The following KCNB2 variants were observed in gnomAD, a reference collection of about 807,000 sequenced individuals.
KCNB2 encodes delayed rectifier potassium channel protein.
KCNB2 carries 15 observed loss-of-function variants against 61.5 expected under a neutral mutation model. That is an observed-to-expected ratio of 0.24 (90% CI 0.16 to 0.38). KCNB2 has a LOEUF of 0.38. Among genes scored for constraint, KCNB2 ranks in the 10% least tolerant of loss-of-function variants. The pLI, the probability that KCNB2 is intolerant of heterozygous loss-of-function variation, is 1.00. For synonymous variants in KCNB2, 457 were observed against 446.0 expected (o/e 1.02, Z -0.31); for missense variants, 828 against 1,125.2 (o/e 0.74, Z 3.78).
chr8:72,613,341 T>A (rs1158577546), intron 2 of KCNB2, among the ~76,000 whole-genome samples: 2 of 152,214 alleles, frequency 1.3e-5, no homozygotes, highest in African/African-American at 4.8e-5. Context: ...CCTGCCACTA[T>A]GTCTATGATG....
At chr8:72,792,055 C>T (rs1473387051) in intron 2 of KCNB2, among the ~76,000 whole-genome samples, 1 of 152,132 alleles carries the variant, frequency 6.6e-6, no homozygotes, top group Non-Finnish European at 1.5e-5. Context: ...TATAGCAATC[C>T]AATGAGGAAG....
At chr8:72,561,727 A>ATATATATATGTGTG (rs1189336093) in intron 1 of KCNB2, among the ~76,000 whole-genome samples, 4 of 35,278 alleles carry the variant, frequency 1.1e-4, no homozygotes, top group Non-Finnish European at 1.3e-4. Flanking sequence ...ATATATATAT[A>ATATATATATGTGTG]TCTATATCTA....
intron 2 of KCNB2, among the ~76,000 whole-genome samples, chr8:72,669,868 T>C (rs1806534805): frequency 6.6e-6 from 1 of 152,164 alleles, no homozygotes; most frequent in Non-Finnish European, 1.5e-5. Flanking sequence ...TATTTTACGG[T>C]CTAGCTGGAA....
chr8:72,937,865 A>G lies in KCNB2; in HGVS notation c.2510A>G (p.Lys837Arg). 2 of 1,614,140 alleles carry G rather than the reference A, an allele frequency of 1.2e-6. No individual in the cohort carries two copies. The highest frequency in any genetic ancestry group is 2.2e-5 in the South Asian group (2 of 91,086). ...TCCAGCCCAAATTGCTTTGCAGATA[A>G]GCCTAGTGATGGGAGAGACCCTTTA... ...VDSSPNCFADKPSDGRDPLRE... is the reference protein window; with the variant it reads ...VDSSPNCFADRPSDGRDPLRE... The change falls in exon 3 of 3, where the codon AAG becomes AGG. Residue 837 changes from lysine to arginine, a missense_variant. By Grantham distance (26) the Lys-to-Arg change is conservative. Coordinates refer to ENST00000523207, the MANE Select transcript of KCNB2 (RefSeq NM_004770.3).
intron 2 of KCNB2, among the ~76,000 whole-genome samples, chr8:72,615,298 A>G (rs182822937): frequency 1.3e-5 from 2 of 152,318 alleles, no homozygotes; most frequent in East Asian, 3.9e-4. Context: ...TGTGTGTGAA[A>G]GCACTTGGCA....
At chr8:72,782,239 CT>C (rs773135619) in intron 2 of KCNB2, among the ~76,000 whole-genome samples, 1 of 152,070 alleles carries the variant, frequency 6.6e-6, no homozygotes, top group Non-Finnish European at 1.5e-5. Context: ...TATAGTGTTA[CT>C]AAGAATTCCA....
rs773456401 is a variant in KCNB2 at position 72,935,985 on chromosome 8, G to A, written c.630G>A (p.Leu210=). The A allele has an allele frequency of 1.9e-6, 3 of 1,614,102 alleles. No homozygotes were observed. The East Asian group carries it at 6.7e-5, about 36-fold the overall frequency. Reference sequence around the variant, plus strand: ...TCATTGTGCTTTCCACCATTGCTTTGTCTCTCAATACGCTGCCGGAGCTGC... The same window carrying A: ...TCATTGTGCTTTCCACCATTGCTTTATCTCTCAATACGCTGCCGGAGCTGC... ...ILFIVLSTIA[L]SLNTLPELQE... The change falls in exon 3 of 3, where the codon TTG becomes TTA. Residue 210 remains leucine (L), a synonymous_variant. Coordinates refer to ENST00000523207, the MANE Select transcript of KCNB2 (RefSeq NM_004770.3).
At chr8:72,726,863 T>G (rs554877957) in intron 2 of KCNB2, among the ~76,000 whole-genome samples, 1 of 152,254 alleles carries the variant, frequency 6.6e-6, no homozygotes, top group East Asian at 1.9e-4. Flanking sequence ...AGGTACCTTC[T>G]CAGACCCAGG....
At chr8:72,719,944 A>G (rs1315530628) in intron 2 of KCNB2, among the ~76,000 whole-genome samples, 3 of 152,228 alleles carry the variant, frequency 2.0e-5, no homozygotes, top group Non-Finnish European at 4.4e-5. Flanking sequence ...TCCTGTCTGT[A>G]TTCTGAAGAA....
chr8:72,733,669 A>G, intron 2 of KCNB2, among the ~76,000 whole-genome samples: 1 of 152,186 alleles, frequency 6.6e-6, no homozygotes, highest in Admixed American at 6.5e-5. Context: ...TTGACACTCC[A>G]AAACCATCCC....
At chr8:72,839,389 C>A (rs1480775122) in intron 2 of KCNB2, among the ~76,000 whole-genome samples, 1 of 152,064 alleles carries the variant, frequency 6.6e-6, no homozygotes, top group African/African-American at 2.4e-5. Context: ...TATGCCTTGC[C>A]ATGTAATGTG....
At chr8:72,667,277 G>T (rs1451146974) in intron 2 of KCNB2, among the ~76,000 whole-genome samples, 1 of 152,022 alleles carries the variant, frequency 6.6e-6, no homozygotes, top group Non-Finnish European at 1.5e-5. Context: ...TCAGGGATTG[G>T]TGCTGATTCC....
intron 2 of KCNB2, among the ~76,000 whole-genome samples, chr8:72,712,718 A>G (rs773613614): frequency 3.3e-5 from 5 of 152,198 alleles, no homozygotes; most frequent in Non-Finnish European, 5.9e-5. Flanking sequence ...GCTCCAGTCT[A>G]CAGCTCCCAG....
chr8:72,655,576 C>T (rs1806277884), intron 2 of KCNB2, among the ~76,000 whole-genome samples: 1 of 152,032 alleles, frequency 6.6e-6, no homozygotes, highest in African/African-American at 2.4e-5. Context: ...CTACTACTTT[C>T]TAAAGTAAAT....
At chr8:72,823,900 A>G (rs1288009069) in intron 2 of KCNB2, among the ~76,000 whole-genome samples, 1 of 152,170 alleles carries the variant, frequency 6.6e-6, no homozygotes, top group Non-Finnish European at 1.5e-5. Flanking sequence ...AGGGCTTTCC[A>G]TGAAAGCCTA....
chr8:72,680,193 T>C (rs988115567), intron 2 of KCNB2, among the ~76,000 whole-genome samples: 3 of 152,256 alleles, frequency 2.0e-5, no homozygotes, highest in Admixed American at 2.0e-4. Context: ...CTACAGGGAA[T>C]GAACCATTTG....
intron 2 of KCNB2, among the ~76,000 whole-genome samples, chr8:72,818,992 A>G (rs1229690279): frequency 1.3e-5 from 2 of 152,094 alleles, no homozygotes; most frequent in Non-Finnish European, 2.9e-5. Flanking sequence ...ACCATTATTT[A>G]TTTGTAGAAT....
intron 2 of KCNB2, among the ~76,000 whole-genome samples, chr8:72,904,664 A>C (rs1806143299): frequency 6.6e-6 from 1 of 151,912 alleles, no homozygotes; most frequent in African/African-American, 2.4e-5. Context: ...TATTTTTTTA[A>C]TTTTTTTATT....
intron 2 of KCNB2, among the ~76,000 whole-genome samples, chr8:72,738,897 A>G (rs1807896636): frequency 6.6e-6 from 1 of 152,154 alleles, no homozygotes; most frequent in African/African-American, 2.4e-5. Flanking sequence ...GGCATCTGGG[A>G]ACATTTTGAC....
Sources: gnomAD v4.1 joint callset for allele counts (sites outside exome capture counted in the v4.1 genomes callset) on GRCh38, gnomAD v4.1.1 for gene constraint, MANE v1.5 for transcripts, NCBI Gene and HGNC (gene_info 2026-07-23, HGNC 2026-07-21) for gene names.